The following TMEM117 variants were observed in gnomAD, a reference collection of about 807,000 sequenced individuals.
The protein encoded by TMEM117 is transmembrane protein 117.
In TMEM117, 27 loss-of-function variants were observed where a neutral mutation model predicts 52.4. The ratio of observed to expected loss-of-function variants is 0.51; its 90% CI spans 0.38 to 0.71. The LOEUF (loss-of-function observed/expected upper bound fraction) is 0.71. TMEM117 is among the 30% of genes least tolerant of loss of function. The pLI is 0.00. For synonymous variants in TMEM117, 215 were observed against 206.3 expected (o/e 1.04, Z -0.36); for missense variants, 556 against 630.5 (o/e 0.88, Z 1.26).
Position 44,221,581 on chromosome 12 carries a change from A to C in TMEM117, c.608+10194A>C, listed in dbSNP as rs1051379388. ...TGTGGGATATAGGGGTTCATCACAA[A>C]ATTTTAAATTAGTAATTAATGATAT... On this transcript the variant is annotated intron_variant, in intron 5 of 7. Transcript: ENST00000266534. Among the ~76,000 whole-genome samples the C allele has an allele frequency of 4.6e-5, 7 of 152,278 alleles. 1 individual carries two copies. Among genetic ancestry groups the C allele is most frequent in the African/African-American group, 1.7e-4 (7 of 41,564 alleles).
At chr12:43,984,364 T>TAACAAC (rs3064367) in intron 3 of TMEM117, among the ~76,000 whole-genome samples, 12,582 of 145,956 alleles carry the variant, frequency 0.086, 555 homozygotes, top group South Asian at 0.11. Context: ...TGAGACTCCG[T>TAACAAC]AACAACAACA....
At chr12:44,072,947 G>T (rs1265264655) in intron 3 of TMEM117, among the ~76,000 whole-genome samples, 1 of 152,036 alleles carries the variant, frequency 6.6e-6, no homozygotes, top group Non-Finnish European at 1.5e-5. Context: ...AAAATTAGCT[G>T]GGCATGGTGG....
chr12:43,912,314 A>T (rs986089734), intron 2 of TMEM117, among the ~76,000 whole-genome samples: 1 of 147,402 alleles, frequency 6.8e-6, no homozygotes, highest in South Asian at 2.3e-4. Context: ...ACATGGACAC[A>T]GGAAGGGGAA....
At chr12:44,308,580 G>A (rs940185123) in intron 6 of TMEM117, among the ~76,000 whole-genome samples, 6 of 151,848 alleles carry the variant, frequency 4.0e-5, no homozygotes, top group South Asian at 2.1e-4. Flanking sequence ...AAGCTATGGT[G>A]CAAGCTTTTC....
At chr12:44,101,197 A>G (rs1187929574) in intron 3 of TMEM117, among the ~76,000 whole-genome samples, 4 of 151,112 alleles carry the variant, frequency 2.6e-5, no homozygotes, top group African/African-American at 9.8e-5. Flanking sequence ...GTTTCAACTT[A>G]TGAATATGTT....
At chr12:44,269,320 G>A (rs1329827349) in intron 5 of TMEM117, among the ~76,000 whole-genome samples, 2 of 151,962 alleles carry the variant, frequency 1.3e-5, no homozygotes, top group Non-Finnish European at 2.9e-5. Context: ...AACCCTTCTT[G>A]TAATTGACTC....
intron 5 of TMEM117, among the ~76,000 whole-genome samples, chr12:44,289,133 C>T (rs1424803378): frequency 1.3e-5 from 2 of 151,856 alleles, no homozygotes; most frequent in African/African-American, 4.8e-5. Flanking sequence ...CTATATCTGG[C>T]TTATTTTATT....
intron 2 of TMEM117, among the ~76,000 whole-genome samples, chr12:43,857,918 G>A (rs916518957): frequency 2.6e-5 from 4 of 152,282 alleles, no homozygotes; most frequent in East Asian, 1.9e-4. Flanking sequence ...GGAAGTAGGC[G>A]AATGTGCTGA....
chr12:44,037,893 G>T (rs1468598348), intron 3 of TMEM117, among the ~76,000 whole-genome samples: 1 of 152,056 alleles, frequency 6.6e-6, no homozygotes, highest in African/African-American at 2.4e-5. Flanking sequence ...CCTCTGCTGA[G>T]AGTTGGGCAG....
chr12:43,873,070 C>G lies in TMEM117; in HGVS notation c.277+28142C>G, dbSNP rs565057301. On this transcript the variant is annotated intron_variant, in intron 2 of 7. Transcript: ENST00000266534. Reference sequence around the variant, plus strand: ...AATAAAATCTTAGGAAGAGGATGCTCAATAGTGATGGATGCTTGAGGAGAG... The same window carrying G: ...AATAAAATCTTAGGAAGAGGATGCTGAATAGTGATGGATGCTTGAGGAGAG... 1.1e-4 allele frequency among the ~76,000 whole-genome samples: 16 copies of G among 152,190 alleles called. No individual in the cohort carries two copies. In the South Asian group the frequency reaches 3.3e-3, roughly 32 times the overall value.
At position 44,346,778 on chromosome 12, in the gene TMEM117, T is replaced by A. The variant is rs575633067; in HGVS notation, c.769-29817T>A. Among the ~76,000 whole-genome samples, 5 of 152,190 alleles carry A rather than the reference T, an allele frequency of 3.3e-5. No homozygotes were observed. The South Asian group carries it at 1.0e-3, about 32-fold the overall frequency. The stretch of plus-strand genomic sequence containing the variant: ...TCCTCTGAATGTGGATTTTAACTGA[T>A]GAATTTTCCAGCACAAGGGAAAAGA... On this transcript the variant is annotated intron_variant, in intron 6 of 7. Coordinates refer to ENST00000266534, the MANE Select transcript of TMEM117 (RefSeq NM_032256.3).
chr12:44,380,879 C>T (rs552962521), intron 7 of TMEM117, among the ~76,000 whole-genome samples: 3 of 152,188 alleles, frequency 2.0e-5, no homozygotes, highest in Admixed American at 2.0e-4. Flanking sequence ...TGTCCTGAGT[C>T]CTTAAAAAGG....
At chr12:44,115,085 G>GTCAT (rs934430603) in intron 3 of TMEM117, among the ~76,000 whole-genome samples, 2 of 152,116 alleles carry the variant, frequency 1.3e-5, no homozygotes, top group African/African-American at 4.8e-5. Context: ...TAGCATATGC[G>GTCAT]TCATCTGTTC....
At chr12:44,341,970 G>A (rs146544343) in intron 6 of TMEM117, among the ~76,000 whole-genome samples, 215 of 152,156 alleles carry the variant, frequency 1.4e-3, no homozygotes, top group African/African-American at 4.9e-3. Flanking sequence ...TTGTCAGATC[G>A]AATAAGGGAC....
chr12:44,023,000 A>C (rs1015932928), intron 3 of TMEM117, among the ~76,000 whole-genome samples: 3 of 152,214 alleles, frequency 2.0e-5, no homozygotes, highest in African/African-American at 7.2e-5. Context: ...CATGATGCCG[A>C]GTGCTTTTAT....
At chr12:44,297,712 A>C (rs990828155) in intron 5 of TMEM117, among the ~76,000 whole-genome samples, 1 of 152,230 alleles carries the variant, frequency 6.6e-6, no homozygotes, top group African/African-American at 2.4e-5. Flanking sequence ...TTCCTTCTTG[A>C]AAAAAGAAAT....
At chr12:43,872,275 A>G (rs898436641) in intron 2 of TMEM117, among the ~76,000 whole-genome samples, 1 of 152,166 alleles carries the variant, frequency 6.6e-6, no homozygotes, top group African/African-American at 2.4e-5. Context: ...TTTGGCTTAT[A>G]TCCTGTAGTA....
At chr12:43,829,246 A>G in the TMEM117 span, among the ~76,000 whole-genome samples, 43 of 152,244 alleles carry the variant, frequency 2.8e-4, no homozygotes, top group Middle Eastern at 3.4e-3. Flanking sequence ...CCCGTTTCAG[A>G]TTTCTGTAGC....
intron 2 of TMEM117, among the ~76,000 whole-genome samples, chr12:43,901,288 C>T (rs937398606): frequency 3.3e-5 from 5 of 151,902 alleles, no homozygotes; most frequent in Admixed American, 2.0e-4. Context: ...CATTCATTTG[C>T]CCCGTTTTTT....
Sources: gnomAD v4.1 joint callset for allele counts (sites outside exome capture counted in the v4.1 genomes callset) on GRCh38, gnomAD v4.1.1 for gene constraint, MANE v1.5 for transcripts, NCBI Gene and HGNC (gene_info 2026-07-23, HGNC 2026-07-21) for gene names.